The following SNX25 variants were observed in gnomAD, a reference collection of about 807,000 sequenced individuals.
The protein encoded by SNX25 is sorting nexin 25.
Under a neutral mutation model 113.7 loss-of-function variants are expected in SNX25, and 62 were observed. The ratio of observed to expected loss-of-function variants is 0.55; its 90% CI spans 0.44 to 0.67. The LOEUF (loss-of-function observed/expected upper bound fraction) is 0.67, where lower values mean the gene tolerates loss of function less well. SNX25 is among the 30% of genes least tolerant of loss of function. The probability of loss-of-function intolerance (pLI) is 0.00; values close to 1 mark genes in which losing one functional copy is unlikely to be tolerated. For missense variants in SNX25, 1,014 were observed against 1,161.0 expected (o/e 0.87, Z 1.84); for synonymous variants, 421 against 436.2 (o/e 0.97, Z 0.43).
At chr4:185,310,119 TTCTGTTAAACAG>T (rs1755035798) in intron 6 of SNX25, among the ~76,000 whole-genome samples, 1 of 152,264 alleles carries the variant, frequency 6.6e-6, no homozygotes, top group African/African-American at 2.4e-5. Context: ...AGTTAGAATC[TTCTGTTAAACAG>T]TTCAGTGGTA....
At position 185,274,500 on chromosome 4, in the gene SNX25, A is replaced by G. The variant is rs997190113; in HGVS notation, c.1091+7345A>G. On this transcript the variant is annotated intron_variant, in intron 5 of 18. Transcript: ENST00000652585. ...ACCTAGTTAAAAAATAGAGGATTCT[A>G]TTACTTAGAAAGCAGGAAGAATGGA... Among the ~76,000 whole-genome samples the G allele has an allele frequency of 3.3e-5, 5 of 152,338 alleles. No individual in the cohort carries two copies. In the South Asian group the frequency reaches 1.0e-3, roughly 32 times the overall value.
intron 3 of SNX25, among the ~76,000 whole-genome samples, chr4:185,259,821 T>TA (rs974859957): frequency 3.3e-5 from 5 of 152,188 alleles, no homozygotes; most frequent in African/African-American, 9.7e-5. Context: ...AGGGAAGAGA[T>TA]AAAGTATTTA....
At chr4:185,328,052 T>A (rs1334971569) in intron 9 of SNX25, among the ~76,000 whole-genome samples, 4 of 152,218 alleles carry the variant, frequency 2.6e-5, no homozygotes. Context: ...TAAAAATATT[T>A]GATTTAAGCA....
chr4:185,371,962 T>C (rs2095417602), downstream of SNX25, among the ~76,000 whole-genome samples: 1 of 152,058 alleles, frequency 6.6e-6, no homozygotes, highest in South Asian at 2.1e-4. Context: ...CACTCTAGAG[T>C]ACACCCAGGT....
the SNX25 span, chr4:185,378,167 T>A: frequency 6.2e-7 from 1 of 1,614,064 alleles, no homozygotes; most frequent in Non-Finnish European, 8.5e-7. Context: ...CTTGGGCAAC[T>A]TTTCACTGGT....
intron 6 of SNX25, among the ~76,000 whole-genome samples, chr4:185,296,412 C>T (rs73873424): frequency 0.04 from 6,025 of 152,138 alleles, 223 homozygotes; most frequent in African/African-American, 0.093. Flanking sequence ...CAAAACTGCA[C>T]GTTTTAGGTT....
At chr4:185,281,173 T>TAC (rs1167130532) in intron 5 of SNX25, among the ~76,000 whole-genome samples, 1 of 152,150 alleles carries the variant, frequency 6.6e-6, no homozygotes, top group East Asian at 1.9e-4. Flanking sequence ...TCAGGTTGAT[T>TAC]GGGCTAAAAT....
Position 185,320,642 on chromosome 4 carries a change from C to A in SNX25, c.1345-91C>A. 8 of 918,246 alleles carry A rather than the reference C, an allele frequency of 8.7e-6. No individual in the cohort carries two copies. The South Asian group carries it at 9.2e-5, about 11-fold the overall frequency. 56.9% of individuals were successfully genotyped at this position (918,246 alleles called of 1,614,324 possible). A position where few individuals can be genotyped will look rare whatever the true frequency, so the allele number is the denominator to read the frequency against. On this transcript the variant is annotated intron_variant, in intron 7 of 18. Transcript: ENST00000652585. ...ATTCCTTTAAAAAATGCATTTTTAC[C>A]CTAAATGTAGAAATCAGTCCATTGG...
At chr4:185,371,135 G>T (rs2095413347), downstream of SNX25, 2 of 223,676 alleles carry the variant, frequency 8.9e-6, no homozygotes, top group South Asian at 1.1e-4. Flanking sequence ...AAACTGAACG[G>T]AGAAGAAAGC....
In SNX25 at chr4:185,342,129, A is replaced by G. The variant is rs1021625721; in HGVS notation, c.2187+13A>G. ...GAAACTCAGTGAGGTATGAATACTC[A>G]TGAACGCAGTATTCTAGAATTACTG... On this transcript the variant is annotated intron_variant, in intron 12 of 18. Transcript: ENST00000652585. 6.4e-7 allele frequency: 1 copy of G among 1,553,294 alleles called. No homozygotes were observed. Among genetic ancestry groups the G allele is most frequent in the Non-Finnish European group, 8.7e-7 (1 of 1,152,250 alleles).
At chr4:185,272,461 C>T (rs757844712) in intron 5 of SNX25, among the ~76,000 whole-genome samples, 5 of 152,146 alleles carry the variant, frequency 3.3e-5, no homozygotes, top group African/African-American at 4.8e-5. Context: ...CCATTGCTGC[C>T]TGCATTGTGT....
At chr4:185,219,653 C>T (rs927393237) in intron 1 of SNX25, among the ~76,000 whole-genome samples, 1 of 152,216 alleles carries the variant, frequency 6.6e-6, no homozygotes, top group Non-Finnish European at 1.5e-5. Flanking sequence ...AAGGCAGCAT[C>T]TTCTTTTTTC....
chr4:185,374,495 T>G, downstream of SNX25: 2 of 1,602,000 alleles, frequency 1.2e-6, no homozygotes, highest in Non-Finnish European at 1.7e-6. Flanking sequence ...AAACCCTAGT[T>G]TTTAGTTTTA....
At chr4:185,299,723 A>G (rs1163255997) in intron 6 of SNX25, among the ~76,000 whole-genome samples, 1 of 152,230 alleles carries the variant, frequency 6.6e-6, no homozygotes, top group East Asian at 1.9e-4. Context: ...TCTAGTAGCT[A>G]TGGGACATAA....
At chr4:185,212,912 A>C (rs1738179992) in intron 1 of SNX25, among the ~76,000 whole-genome samples, 1 of 152,222 alleles carries the variant, frequency 6.6e-6, no homozygotes, top group Non-Finnish European at 1.5e-5. Flanking sequence ...TGAGCTAGAC[A>C]TGTCAGACAC....
At chr4:185,378,395 G>T in the SNX25 span, 1 of 1,375,202 alleles carries the variant, frequency 7.3e-7, no homozygotes. Flanking sequence ...CTCCCTAGCT[G>T]AGAGACAGCC....
intron 5 of SNX25, among the ~76,000 whole-genome samples, chr4:185,282,303 A>G (rs995622734): frequency 1.3e-5 from 2 of 152,072 alleles, no homozygotes; most frequent in African/African-American, 4.8e-5. Context: ...CTGGGATTGC[A>G]GGCACCCGCC....
chr4:185,371,656 G>A (rs1041181487), downstream of SNX25, among the ~76,000 whole-genome samples: 4 of 151,888 alleles, frequency 2.6e-5, no homozygotes, highest in Admixed American at 1.3e-4. Context: ...TAACCTCAAT[G>A]TCATAGGGAG....
At chr4:185,278,941 C>T (rs1296686147) in intron 5 of SNX25, among the ~76,000 whole-genome samples, 2 of 151,986 alleles carry the variant, frequency 1.3e-5, no homozygotes, top group East Asian at 3.9e-4. Flanking sequence ...CTAAAAGGCA[C>T]CAGCTAGCCA....
Sources: allele counts gnomAD v4.1 joint callset (sites outside exome capture counted in the v4.1 genomes callset), GRCh38; gene constraint gnomAD v4.1.1; transcripts MANE v1.5; gene names NCBI Gene and HGNC (gene_info 2026-07-23, HGNC 2026-07-21).